The following TMEM201 variants were observed in gnomAD, a reference collection of about 807,000 sequenced individuals.
The protein encoded by TMEM201 is RP13-15M17.2.
TMEM201 carries 26 observed loss-of-function variants against 63.4 expected under a neutral mutation model. The ratio of observed to expected loss-of-function variants is 0.41; its 90% CI spans 0.30 to 0.57. TMEM201 has a LOEUF of 0.57. Ranked by LOEUF, TMEM201 falls within the 20% of genes least tolerant of loss-of-function variation. TMEM201 has a pLI of 0.29. For missense variants in TMEM201, 794 were observed against 917.7 expected (o/e 0.87, Z 1.74); for synonymous variants, 417 against 421.6 (o/e 0.99, Z 0.14).
At chr1:9,609,218 G>A (rs1458736295) in intron 7 of TMEM201, among the ~76,000 whole-genome samples, 1 of 152,210 alleles carries the variant, frequency 6.6e-6, no homozygotes, top group African/African-American at 2.4e-5. Flanking sequence ...GGCCTGGTGA[G>A]GGGAGGGTTA....
At chr1:9,601,982 C>A in intron 5 of TMEM201, 87 bp from the exon 6 acceptor site, 1 of 1,463,956 alleles carries the variant, frequency 6.8e-7, no homozygotes, top group South Asian at 1.3e-5. Context: ...TGAGCAGGGC[C>A]AGGTATAGAC....
In TMEM201 at chr1:9,603,089, C is replaced by T. The variant is rs933045385; in HGVS notation, c.1160+817C>T. The T allele has an allele frequency of 4.1e-5, 40 of 985,364 alleles. No homozygotes were observed. The highest frequency in any genetic ancestry group is 4.7e-5 in the Non-Finnish European group (39 of 829,976). The allele number at this position is 985,364 out of a possible 1,614,324, so 61.0% of individuals were successfully genotyped here. ...GGTAAGGGGCCCAGGGTATGCAGGC[C>T]TTCAGTGACATCAGGTCGTTGTCAT... is the stretch of plus-strand genomic sequence containing the variant. On this transcript the variant is annotated intron_variant, in intron 6 of 10. Transcript: ENST00000340381. This position sits in a 1 kb window ranked among gnomAD's most constrained non-coding sequence, Gnocchi z 4.5.
At position 9,602,742 on chromosome 1, in the gene TMEM201, C is replaced by T. The variant is rs890705804; in HGVS notation, c.1160+470C>T. 8.8e-6 allele frequency: 9 copies of T among 1,018,842 alleles called. No individual in the cohort carries two copies. In the African/African-American group the frequency reaches 1.4e-4, roughly 15 times the overall value. The allele number at this position is 1,018,842 out of a possible 1,614,324, so 63.1% of individuals were successfully genotyped here. A position where few individuals can be genotyped will look rare whatever the true frequency, so the allele number is the denominator to read the frequency against. ...CAGTGGCTACAGGCTGGGCCCCTGGCGTGCCCTGACCGTGCAGCAGAGTGA... is the reference window on the plus strand; with the variant it reads ...CAGTGGCTACAGGCTGGGCCCCTGGTGTGCCCTGACCGTGCAGCAGAGTGA... On this transcript the variant is annotated intron_variant, in intron 6 of 10. Transcript: ENST00000340381.
At chr1:9,599,628 T>C (rs1644097359) in intron 4 of TMEM201, among the ~76,000 whole-genome samples, 1 of 151,566 alleles carries the variant, frequency 6.6e-6, no homozygotes, top group African/African-American at 2.4e-5. Flanking sequence ...TTGTTTGTTT[T>C]GTTTTGTTTT....
intron 10 of TMEM201, among the ~76,000 whole-genome samples, chr1:9,612,361 C>A (rs1000203256): frequency 1.2e-4 from 19 of 152,186 alleles, no homozygotes; most frequent in African/African-American, 4.6e-4. Context: ...TGGCTCAGAT[C>A]CCAGGTTCTC....
At chr1:9,593,576 G>T (rs533049402) in intron 1 of TMEM201, among the ~76,000 whole-genome samples, 186 of 152,324 alleles carry the variant, frequency 1.2e-3, no homozygotes, top group Non-Finnish European at 1.9e-3. Context: ...CCTCATTCTA[G>T]ATCAGTGGAG....
chr1:9,601,918 G>T, intron 5 of TMEM201, 151 bp from the exon 6 acceptor site: 2 of 884,666 alleles, frequency 2.3e-6, no homozygotes, highest in Non-Finnish European at 1.7e-6. Flanking sequence ...GCCAGGTAGC[G>T]TGTGAGTGTG....
chr1:9,612,648 G>A (rs987015905), intron 10 of TMEM201, among the ~76,000 whole-genome samples: 3 of 152,192 alleles, frequency 2.0e-5, no homozygotes, highest in Admixed American at 6.5e-5. Flanking sequence ...CCTGGATGGG[G>A]TGCTCCTGTT....
chr1:9,598,615 C>A lies in TMEM201; in HGVS notation c.596C>A (p.Thr199Asn). The A allele has an allele frequency of 1.2e-6, 2 of 1,612,896 alleles. No homozygotes were observed. Among genetic ancestry groups the A allele is most frequent in the Non-Finnish European group, 1.7e-6 (2 of 1,179,760 alleles). Reference protein sequence around the residue: ...HQFKRREADQTHAQNFSSAVK... With the variant: ...HQFKRREADQNHAQNFSSAVK... The stretch of plus-strand genomic sequence containing the variant: ...TTCAAGCGCCGGGAGGCCGACCAGA[C>A]CCACGCACAGGTGAGAGGCGGCATC... Residue 199 changes from threonine (T) to asparagine (N), a missense_variant, in exon 4 of 11, where the codon ACC becomes AAC. Thr to Asn is a moderately conservative substitution (Grantham distance 65). Coordinates refer to ENST00000340381, the MANE Select transcript of TMEM201 (RefSeq NM_001130924.3).
Position 9,607,272 on chromosome 1 carries a change from A to T in TMEM201, c.1161-285A>T, listed in dbSNP as rs1358946258. Among the ~76,000 whole-genome samples, 1 of 151,798 alleles carries T rather than the reference A, an allele frequency of 6.6e-6. No homozygotes were observed. The highest frequency in any genetic ancestry group is 2.4e-5 in the African/African-American group (1 of 41,266). On this transcript the variant is annotated intron_variant, in intron 6 of 10. Transcript: ENST00000340381. This position sits in a 1 kb window ranked among gnomAD's most constrained non-coding sequence, Gnocchi z 5.4. ...TGAGGTTGGCAAAGGCGACAGTGTCACTTTAATACCGAGACTCGTAGTGGA... is the reference window on the plus strand; with the variant it reads ...TGAGGTTGGCAAAGGCGACAGTGTCTCTTTAATACCGAGACTCGTAGTGGA...
At chr1:9,606,489 G>A (rs1211736659) in intron 6 of TMEM201, 2 of 152,232 alleles carry the variant, frequency 1.3e-5, no homozygotes, top group African/African-American at 2.4e-5. Context: ...CAGGGAGGTT[G>A]GTGGCGCGCG....
At chr1:9,590,630 G>C (rs1419261743) in intron 1 of TMEM201, among the ~76,000 whole-genome samples, 1 of 152,216 alleles carries the variant, frequency 6.6e-6, no homozygotes, top group Non-Finnish European at 1.5e-5. Flanking sequence ...GGTGCCAGGG[G>C]AACTAGGAGG....
rs1569970557 is a variant in TMEM201, at chr1:9,613,472, G to A, written c.*389G>A. On this transcript the variant is annotated 3_prime_UTR_variant, in exon 11 of 11. Coordinates refer to ENST00000340381, the MANE Select transcript of TMEM201 (RefSeq NM_001130924.3). ...TGCCCGGCCTGCCTTCTGGCCCCAC[G>A]CCCACAGGCGTAGTCACATCTTTGT... 5 of 268,122 alleles carry A rather than the reference G, an allele frequency of 1.9e-5. No individual in the cohort carries two copies. Among genetic ancestry groups the A allele is most frequent in the East Asian group, 1.7e-4 (2 of 11,892 alleles). 16.6% of individuals were successfully genotyped at this position (268,122 alleles called of 1,614,324 possible). A position where few individuals can be genotyped will look rare whatever the true frequency, so the allele number is the denominator to read the frequency against.
In TMEM201 at chr1:9,613,748, T is replaced by C. The variant is rs1202984693; in HGVS notation, c.*665T>C. 1 of 152,540 alleles carries C rather than the reference T, an allele frequency of 6.6e-6. No homozygotes were observed. The allele number at this position is 152,540 out of a possible 1,614,324, so 9.4% of individuals were successfully genotyped here. On this transcript the variant is annotated 3_prime_UTR_variant, in exon 11 of 11. Coordinates refer to ENST00000340381, the MANE Select transcript of TMEM201 (RefSeq NM_001130924.3). ...ATGTGCCCTGCTTTGTGACCTCTGTTGACCTTCCTGGAAGCAGCCCCATTA... is the reference window on the plus strand; with the variant it reads ...ATGTGCCCTGCTTTGTGACCTCTGTCGACCTTCCTGGAAGCAGCCCCATTA...
rs1644311234 is a variant in TMEM201 at position 9,610,687 on chromosome 1, G to C, written c.1647G>C (p.Glu549Asp). 6 of 1,550,546 alleles carry C rather than the reference G, an allele frequency of 3.9e-6. No homozygotes were observed. The highest frequency in any genetic ancestry group is 4.4e-6 in the Non-Finnish European group (5 of 1,146,902). ...KLLLFPSPPG[E>D]APTTPSSSDE... The stretch of plus-strand genomic sequence containing the variant: ...TGCTGTTCCCGTCACCCCCTGGAGA[G>C]GCCCCCACCACGCCCAGCAGCTCCG... Residue 549 changes from glutamate to aspartate, a missense_variant, in exon 9 of 11, where the codon GAG (glutamate) becomes GAC (aspartate). Coordinates refer to ENST00000340381, the MANE Select transcript of TMEM201 (RefSeq NM_001130924.3). The surrounding 1 kb of genome is among the most constrained non-coding windows in gnomAD (Gnocchi z 4.9).
chr1:9,591,836 C>T (rs1414157819), intron 1 of TMEM201, among the ~76,000 whole-genome samples: 2 of 152,256 alleles, frequency 1.3e-5, no homozygotes, highest in African/African-American at 4.8e-5. Context: ...CCCGGGCATA[C>T]GTTGGGTGGT....
chr1:9,607,517 C>A lies in TMEM201; in HGVS notation c.1161-40C>A. The stretch of plus-strand genomic sequence containing the variant: ...GCAAGGCTGCCTCCAGGACCTCCCG[C>A]TGACCCTCTTCTTGTCCCGTGCCTG... On this transcript the variant is annotated intron_variant, in intron 6 of 10. Coordinates refer to ENST00000340381, the MANE Select transcript of TMEM201 (RefSeq NM_001130924.3). The surrounding 1 kb of genome is among the most constrained non-coding windows in gnomAD (Gnocchi z 5.4). The A allele has an allele frequency of 6.7e-7, 1 of 1,497,116 alleles. No individual in the cohort carries two copies. The highest frequency in any genetic ancestry group is 9.0e-7 in the Non-Finnish European group (1 of 1,110,810). 92.7% of individuals were successfully genotyped at this position (1,497,116 alleles called of 1,614,324 possible).
In TMEM201 at chr1:9,597,502, G is replaced by A. The variant is rs146484662; in HGVS notation, c.429+449G>A. Reference sequence around the variant, plus strand: ...TGTGGGGTTGGTGGAGGATGCCACTGGCTTCTGGGAGGAGGAGGAAGCTAG... The same window carrying A: ...TGTGGGGTTGGTGGAGGATGCCACTAGCTTCTGGGAGGAGGAGGAAGCTAG... On this transcript the variant is annotated intron_variant, in intron 3 of 10. Transcript: ENST00000340381. Among the ~76,000 whole-genome samples, 1,262 of 152,288 alleles carry A rather than the reference G, an allele frequency of 8.3e-3. 12 individuals are homozygous for A. The highest frequency in any genetic ancestry group is 0.029 in the African/African-American group (1,194 of 41,524).
At position 9,610,863 on chromosome 1, in the gene TMEM201, T is replaced by TG; in HGVS notation, c.1765+60dup. 6.7e-7 allele frequency: 1 copy of TG among 1,496,936 alleles called. No homozygotes were observed. The highest frequency in any genetic ancestry group is 8.9e-7 in the Non-Finnish European group (1 of 1,118,388). The allele number at this position is 1,496,936 out of a possible 1,614,324, so 92.7% of individuals were successfully genotyped here. A position where few individuals can be genotyped will look rare whatever the true frequency, so the allele number is the denominator to read the frequency against. ...GGAGGGCCTCTGCTGCCAAGAGGCC[T>TG]GGCTGTGCGGCGGTGGGGGGGCTCA... is the stretch of plus-strand genomic sequence containing the variant. On this transcript the variant is annotated intron_variant, in intron 9 of 10. Transcript: ENST00000340381. This position sits in a 1 kb window ranked among gnomAD's most constrained non-coding sequence, Gnocchi z 4.9.
Sources: gnomAD v4.1 joint callset for allele counts (sites outside exome capture counted in the v4.1 genomes callset) on GRCh38, gnomAD v4.1.1 for gene constraint, Gnocchi (gnomAD v3.1) non-coding constraint, MANE v1.5 for transcripts, NCBI Gene and HGNC (gene_info 2026-07-23, HGNC 2026-07-21) for gene names.